Variants in PAPPA observed in about 807,000 individuals in gnomAD.
PAPPA encodes pappalysin-1.
PAPPA carries 60 observed loss-of-function variants against 164.0 expected under a neutral mutation model. The observed-to-expected ratio is 0.37, with a 90% CI of 0.30 to 0.45. PAPPA has a LOEUF of 0.45. Ranked by LOEUF, PAPPA falls within the 20% of genes least tolerant of loss-of-function variation. The pLI, the probability that PAPPA is intolerant of heterozygous loss-of-function variation, is 1.00. For missense variants in PAPPA, 1,782 were observed against 2,087.3 expected (o/e 0.85, Z 2.85); for synonymous variants, 875 against 814.1 (o/e 1.07, Z -1.27).
chr9:116,215,259 T>G (rs1343611083), intron 4 of PAPPA, among the ~76,000 whole-genome samples: 1 of 152,176 alleles, frequency 6.6e-6, no homozygotes, highest in African/African-American at 2.4e-5. Context: ...CCTCAGTTAT[T>G]TCATTAATAC....
intron 20 of PAPPA, among the ~76,000 whole-genome samples, chr9:116,379,792 T>C (rs1846703737): frequency 6.6e-6 from 1 of 152,180 alleles, no homozygotes; most frequent in Admixed American, 6.5e-5. Context: ...ATCCTGAGGC[T>C]ATTAGGGGTG....
chr9:116,339,697 C>T (rs531998440), intron 13 of PAPPA, among the ~76,000 whole-genome samples: 1 of 152,276 alleles, frequency 6.6e-6, no homozygotes, highest in Admixed American at 6.5e-5. Flanking sequence ...TTTATCTCTG[C>T]TTCCCTGTGG....
rs367548231 is a variant in PAPPA at position 116,271,459 on chromosome 9, C to T, written c.2953+43C>T. ...CTTGTGGCCTTCATGAAGAAATGAA[C>T]GGTGCAGAATGGTTGGTCAATGATA... On this transcript the variant is annotated intron_variant, in intron 9 of 21. Transcript: ENST00000328252. This position sits in a 1 kb window ranked among gnomAD's most constrained non-coding sequence, Gnocchi z 4.2. 4.4e-5 allele frequency: 59 copies of T among 1,353,942 alleles called. No individual in the cohort carries two copies. In the East Asian group the frequency reaches 5.5e-4, roughly 13 times the overall value. The allele number at this position is 1,353,942 out of a possible 1,614,324, so 83.9% of individuals were successfully genotyped here.
At chr9:116,257,453 T>C (rs35453189) in intron 7 of PAPPA, among the ~76,000 whole-genome samples, 29,188 of 151,846 alleles carry the variant, frequency 0.19, 3,001 homozygotes, top group Middle Eastern at 0.31. Context: ...GTAATCCCAG[T>C]GCTTTGGGAG....
intron 21 of PAPPA, among the ~76,000 whole-genome samples, chr9:116,395,404 C>A (rs1255004041): frequency 1.3e-5 from 2 of 152,182 alleles, no homozygotes; most frequent in Non-Finnish European, 2.9e-5. Flanking sequence ...GACTACGTGA[C>A]CACTTGGAGA....
In PAPPA at chr9:116,227,543, G is replaced by A; in HGVS notation, c.2224G>A (p.Glu742Lys). ...CSPSGHWSPR[E>K]AEGHPDVEQP... ...CCCATCAGGACACTGGAGCCCTCGT[G>A]AAGCAGAAGGTAAGCCAGCCTTCTG... Residue 742 changes from glutamate (E) to lysine (K), a missense_variant, in exon 6 of 22, where the codon GAA (glutamate) becomes AAA (lysine). This residue lies in a region of PAPPA where 1,324 missense variants were observed against 1,656.9 expected (regional missense o/e 0.80). Transcript: ENST00000328252. 6.2e-7 allele frequency: 1 copy of A among 1,613,960 alleles called. No individual in the cohort carries two copies. Among genetic ancestry groups the A allele is most frequent in the Non-Finnish European group, 8.5e-7 (1 of 1,179,944 alleles).
At chr9:116,343,044 A>G (rs761050382) in intron 13 of PAPPA, among the ~76,000 whole-genome samples, 16 of 152,180 alleles carry the variant, frequency 1.1e-4, no homozygotes, top group Non-Finnish European at 1.6e-4. Flanking sequence ...GAAACATGGG[A>G]CAAGGTTAAC....
chr9:116,263,169 A>G (rs996503529), intron 7 of PAPPA, among the ~76,000 whole-genome samples: 1 of 152,188 alleles, frequency 6.6e-6, no homozygotes. Flanking sequence ...ACACACAGCT[A>G]GAAGAAGGAA....
intron 1 of PAPPA, among the ~76,000 whole-genome samples, chr9:116,168,208 A>G (rs994075670): frequency 1.3e-5 from 2 of 152,232 alleles, no homozygotes; most frequent in African/African-American, 4.8e-5. Context: ...ATGAAAGTTT[A>G]TTAGGAAAGG....
chr9:116,175,731 A>T (rs1843826491), intron 1 of PAPPA, among the ~76,000 whole-genome samples: 1 of 152,162 alleles, frequency 6.6e-6, no homozygotes, highest in Non-Finnish European at 1.5e-5. Flanking sequence ...CTATATAGTG[A>T]TACAGGGTGG....
In PAPPA at chr9:116,396,575, G is replaced by T. The variant is rs1484926492; in HGVS notation, c.4843G>T (p.Glu1615Ter). 1.3e-6 allele frequency: 1 copy of T among 780,728 alleles called. No individual in the cohort carries two copies. Among genetic ancestry groups the T allele is most frequent in the Non-Finnish European group, 2.4e-6 (1 of 418,004 alleles). 48.4% of individuals were successfully genotyped at this position (780,728 alleles called of 1,614,324 possible). ...DCACRDPQAQ[E>*]HSRKDLRGYS... ...TGCTTGTCGGGACCCCCAGGCCCAA[G>T]AACACAGCCGGAAAGACCTCCGGGG... is the stretch of plus-strand genomic sequence containing the variant. Residue 1615 changes from glutamate to a stop codon, truncating the protein, a stop_gained, in exon 22 of 22, where the codon GAA becomes TAA. Coordinates refer to ENST00000328252, the MANE Select transcript of PAPPA (RefSeq NM_002581.5). LOFTEE classifies it high-confidence loss of function.
intron 21 of PAPPA, among the ~76,000 whole-genome samples, chr9:116,388,566 A>C (rs1588032219): frequency 6.6e-6 from 1 of 152,122 alleles, no homozygotes; most frequent in Non-Finnish European, 1.5e-5. Context: ...TGGTTCTGTG[A>C]CTTATTAACT....
intron 8 of PAPPA, among the ~76,000 whole-genome samples, chr9:116,267,385 T>C (rs1276173127): frequency 6.6e-6 from 1 of 152,250 alleles, no homozygotes; most frequent in Non-Finnish European, 1.5e-5. Flanking sequence ...CCAGCAGTGT[T>C]CTTTCTGAAC....
chr9:116,377,995 A>G (rs1328644957), intron 20 of PAPPA, among the ~76,000 whole-genome samples: 1 of 152,194 alleles, frequency 6.6e-6, no homozygotes, highest in Non-Finnish European at 1.5e-5. Flanking sequence ...CTAATGTTGG[A>G]AATTTACCAA....
chr9:116,303,486 G>A (rs941554164), intron 10 of PAPPA, among the ~76,000 whole-genome samples: 1 of 152,124 alleles, frequency 6.6e-6, no homozygotes, highest in African/African-American at 2.4e-5. Context: ...CTATTTATGT[G>A]CCACAGTTCT....
intron 4 of PAPPA, 119 bp from the exon 5 acceptor site, chr9:116,219,818 T>A: frequency 1.4e-6 from 1 of 734,286 alleles, no homozygotes; most frequent in African/African-American, 1.7e-5. Context: ...AGGCCAGCCC[T>A]GAGTTGGCAA....
At chr9:116,343,884 C>T (rs1176542401) in intron 13 of PAPPA, among the ~76,000 whole-genome samples, 1 of 152,068 alleles carries the variant, frequency 6.6e-6, no homozygotes, top group Non-Finnish European at 1.5e-5. Flanking sequence ...CCTCAACCTC[C>T]TGAGTAGCTG....
chr9:116,243,410 T>A (rs1844758839), intron 7 of PAPPA, among the ~76,000 whole-genome samples: 1 of 152,224 alleles, frequency 6.6e-6, no homozygotes, highest in Non-Finnish European at 1.5e-5. Flanking sequence ...ATATGCTCAG[T>A]ACTTTTTTAT....
intron 21 of PAPPA, among the ~76,000 whole-genome samples, chr9:116,390,099 C>A (rs1846871179): frequency 6.6e-6 from 1 of 152,126 alleles, no homozygotes; most frequent in Non-Finnish European, 1.5e-5. Context: ...AGGCCATGAG[C>A]AAGAACTTGG....
Sources: allele counts gnomAD v4.1 joint callset (sites outside exome capture counted in the v4.1 genomes callset), GRCh38; gene constraint gnomAD v4.1.1; regional missense constraint gnomAD v4.1.1; non-coding constraint Gnocchi (gnomAD v3.1); transcripts MANE v1.5; gene names NCBI Gene and HGNC (gene_info 2026-07-23, HGNC 2026-07-21).